REDIC1: variants seen among roughly 807,000 people sequenced by gnomAD.
REDIC1 encodes the protein regulator of DNA class I crossover intermediates 1, also known as HEI10 Interacting Protein 1.
chr12:39,870,872 A>G, the REDIC1 span, among the ~76,000 whole-genome samples: 1 of 152,180 alleles, frequency 6.6e-6, no homozygotes, highest in Non-Finnish European at 1.5e-5. Context: ...TGGAACTTAG[A>G]ATGTATTTTC....
chr12:39,662,989 G>T, the REDIC1 span, among the ~76,000 whole-genome samples: 2 of 151,982 alleles, frequency 1.3e-5, no homozygotes, highest in African/African-American at 4.8e-5. Flanking sequence ...TGATGATCAT[G>T]TATTATCTTT....
chr12:39,818,419 T>A, the REDIC1 span, among the ~76,000 whole-genome samples: 1 of 152,186 alleles, frequency 6.6e-6, no homozygotes, highest in African/African-American at 2.4e-5. Flanking sequence ...TCAGATAGGA[T>A]CTCTTATCAA....
At chr12:39,663,627 T>A in the REDIC1 span, among the ~76,000 whole-genome samples, 56 of 152,072 alleles carry the variant, frequency 3.7e-4, no homozygotes, top group Non-Finnish European at 7.1e-4. Flanking sequence ...TGTTATCAAT[T>A]GTCTTCTGGT....
the REDIC1 span, among the ~76,000 whole-genome samples, chr12:39,873,777 G>T: frequency 1.1e-4 from 17 of 152,108 alleles, no homozygotes; most frequent in East Asian, 2.7e-3. Context: ...TATTTAAAAT[G>T]AAAAAAAGTT....
At chr12:39,751,247 A>G in the REDIC1 span, among the ~76,000 whole-genome samples, 3 of 152,376 alleles carry the variant, frequency 2.0e-5, no homozygotes, top group East Asian at 3.9e-4. Flanking sequence ...AAGGATATGA[A>G]CAGACACTTC....
chr12:39,753,209 TA>T, the REDIC1 span, among the ~76,000 whole-genome samples: 1 of 152,162 alleles, frequency 6.6e-6, no homozygotes, highest in Admixed American at 6.5e-5. Flanking sequence ...CACAAAACAT[TA>T]AAGGTTAAAA....
At chr12:39,643,615 T>G in the REDIC1 span, among the ~76,000 whole-genome samples, 2 of 151,690 alleles carry the variant, frequency 1.3e-5, no homozygotes, top group Non-Finnish European at 1.5e-5. Flanking sequence ...TTAGGCAAAC[T>G]GCAAGTTATG....
the REDIC1 span, among the ~76,000 whole-genome samples, chr12:39,713,118 G>C: frequency 6.8e-6 from 1 of 147,804 alleles, no homozygotes; most frequent in Non-Finnish European, 1.5e-5. Flanking sequence ...TATATATGTA[G>C]ATATGTGCAT....
At chr12:39,744,093 T>G in the REDIC1 span, among the ~76,000 whole-genome samples, 1 of 151,340 alleles carries the variant, frequency 6.6e-6, no homozygotes, top group African/African-American at 2.4e-5. Context: ...TATAGAAAGA[T>G]CCAAAGCAAA....
At chr12:39,764,369 A>C in the REDIC1 span, 1 of 1,182,212 alleles carries the variant, frequency 8.5e-7, no homozygotes, top group African/African-American at 1.6e-5. Flanking sequence ...AAATATAACC[A>C]CATAGTCTCA....
At chr12:39,764,934 A>G in the REDIC1 span, 4 of 1,502,270 alleles carry the variant, frequency 2.7e-6, no homozygotes, top group East Asian at 2.3e-5. Flanking sequence ...GATCATATTT[A>G]TGTATTTGGA....
chr12:39,788,517 C>G, the REDIC1 span: 1 of 152,080 alleles, frequency 6.6e-6, no homozygotes, highest in African/African-American at 2.4e-5. Context: ...CAATGGTACA[C>G]AATTTAAAAC....
the REDIC1 span, among the ~76,000 whole-genome samples, chr12:39,711,117 A>C: frequency 0.79 from 119,891 of 151,068 alleles, 48,275 homozygotes; most frequent in Non-Finnish European, 0.86. Context: ...TATCTTAGTT[A>C]CCTCATATCA....
the REDIC1 span, among the ~76,000 whole-genome samples, chr12:39,882,304 C>T: frequency 0.011 from 1,606 of 152,236 alleles, 24 homozygotes; most frequent in African/African-American, 0.035. Flanking sequence ...CAAGAATTTG[C>T]CTTTCCAACA....
the REDIC1 span, among the ~76,000 whole-genome samples, chr12:39,727,966 G>C: frequency 6.6e-6 from 1 of 152,114 alleles, no homozygotes; most frequent in African/African-American, 2.4e-5. Flanking sequence ...TCTATTATTG[G>C]TGTACAGGAA....
chr12:39,846,192 A>C, the REDIC1 span, among the ~76,000 whole-genome samples: 1 of 152,090 alleles, frequency 6.6e-6, no homozygotes, highest in African/African-American at 2.4e-5. Context: ...GCTCTAGAAA[A>C]ACCAAGGTGG....
the REDIC1 span, chr12:39,646,899 T>A: frequency 6.2e-5 from 97 of 1,570,134 alleles, no homozygotes; most frequent in Non-Finnish European, 8.0e-5. Context: ...GTGAGATTTT[T>A]AAAAAAATTC....
chr12:39,640,989 C>G, the REDIC1 span: 1 of 1,609,434 alleles, frequency 6.2e-7, no homozygotes, highest in Non-Finnish European at 8.5e-7. Context: ...AAGAAGAAAG[C>G]AAAAGGTAAA....
At chr12:39,792,323 T>C in the REDIC1 span, among the ~76,000 whole-genome samples, 1 of 150,910 alleles carries the variant, frequency 6.6e-6, no homozygotes, top group Non-Finnish European at 1.5e-5. Context: ...GGGCAAGGAC[T>C]TCATGTCCAA....
Sources: gnomAD v4.1 joint callset for allele counts (sites outside exome capture counted in the v4.1 genomes callset) on GRCh38, gnomAD v4.1.1 for gene constraint, MANE v1.5 for transcripts, NCBI Gene and HGNC (gene_info 2026-07-23, HGNC 2026-07-21) for gene names.